ALKBH8: variants seen among roughly 807,000 people sequenced by gnomAD.
ALKBH8 encodes alkB homolog 8, tRNA methyltransferase.
Under a neutral mutation model 59.8 loss-of-function variants are expected in ALKBH8, and 36 were observed. The ratio of observed to expected loss-of-function variants is 0.60; its 90% CI spans 0.46 to 0.79. The LOEUF is 0.79. ALKBH8 is among the 30% of genes least tolerant of loss of function. The probability of loss-of-function intolerance (pLI) is 0.00; values close to 1 mark genes in which losing one functional copy is unlikely to be tolerated. For missense variants in ALKBH8, 768 were observed against 801.0 expected (o/e 0.96, Z 0.50); for synonymous variants, 276 against 273.6 (o/e 1.01, Z -0.09).
chr11:107,509,662 G>A (rs1381023766), intron 11 of ALKBH8, among the ~76,000 whole-genome samples: 1 of 151,956 alleles, frequency 6.6e-6, no homozygotes, highest in South Asian at 2.1e-4. Context: ...CCATTTTGAG[G>A]TTTTTCTTTG....
At chr11:107,546,889 A>ATAAAATATTTTAT (rs1864281024) in intron 7 of ALKBH8, among the ~76,000 whole-genome samples, 1 of 152,224 alleles carries the variant, frequency 6.6e-6, no homozygotes, top group Admixed American at 6.5e-5. Flanking sequence ...TCCAGTAGTC[A>ATAAAATATTTTAT]TACAAATAAA....
intron 3 of ALKBH8, 46 bp from the exon 4 acceptor site, chr11:107,554,024 C>T (rs777554165): frequency 6.2e-7 from 1 of 1,602,996 alleles, no homozygotes; most frequent in South Asian, 1.1e-5. Flanking sequence ...ACTTAAAGTT[C>T]CTATATACAA....
intron 6 of ALKBH8, 30 bp downstream of exon 6, chr11:107,551,778 G>A: frequency 7.1e-7 from 1 of 1,403,166 alleles, no homozygotes. Flanking sequence ...CAAAATATGT[G>A]ACTAAAATTT....
At chr11:107,508,816 C>T (rs905761227) in intron 11 of ALKBH8, among the ~76,000 whole-genome samples, 1 of 152,188 alleles carries the variant, frequency 6.6e-6, no homozygotes, top group African/African-American at 2.4e-5. Flanking sequence ...CCTCAAGGTT[C>T]ATCCATGTTG....
In ALKBH8 at chr11:107,504,422, A is replaced by C. The variant is rs1456268082; in HGVS notation, c.*236T>G. The C allele has an allele frequency of 7.8e-6, 5 of 639,990 alleles. No homozygotes were observed. The highest frequency in any genetic ancestry group is 2.7e-6 in the Non-Finnish European group (1 of 364,642). The allele number at this position is 639,990 out of a possible 1,614,324, so 39.6% of individuals were successfully genotyped here. A position where few individuals can be genotyped will look rare whatever the true frequency, so the allele number is the denominator to read the frequency against. ...AAACACTGCACAAACTGCTTCAATC[A>C]CTTTTAGAAACCACCTCTCCTAGGG... On this transcript the variant is annotated 3_prime_UTR_variant, in exon 12 of 12. Transcript: ENST00000428149.
intron 7 of ALKBH8, among the ~76,000 whole-genome samples, chr11:107,537,343 G>A (rs1171552744): frequency 6.6e-6 from 1 of 152,140 alleles, no homozygotes; most frequent in Non-Finnish European, 1.5e-5. Flanking sequence ...AGAACATGTG[G>A]TACATATACA....
At chr11:107,526,757 G>C (rs1241210917) in intron 8 of ALKBH8, among the ~76,000 whole-genome samples, 1 of 151,874 alleles carries the variant, frequency 6.6e-6, no homozygotes, top group East Asian at 1.9e-4. Flanking sequence ...TTTGTGAATG[G>C]TATGAGATAG....
chr11:107,539,513 C>T (rs1863952891), intron 7 of ALKBH8, among the ~76,000 whole-genome samples: 1 of 151,934 alleles, frequency 6.6e-6, no homozygotes, highest in Non-Finnish European at 1.5e-5. Context: ...GCAAGAGAAT[C>T]ACTTGAACCC....
intron 7 of ALKBH8, among the ~76,000 whole-genome samples, chr11:107,538,475 C>G (rs1333007131): frequency 6.6e-6 from 1 of 152,112 alleles, no homozygotes; most frequent in Non-Finnish European, 1.5e-5. Context: ...TCCACAGGAG[C>G]TTTTTCCAAT....
intron 7 of ALKBH8, among the ~76,000 whole-genome samples, chr11:107,537,410 C>T (rs775668185): frequency 7.2e-5 from 11 of 152,170 alleles, no homozygotes; most frequent in Non-Finnish European, 8.8e-5. Context: ...TGCAGGGACA[C>T]AGATGGAGTT....
At chr11:107,565,439 A>G in intron 1 of ALKBH8, 162 bp downstream of exon 1, 1 of 902,142 alleles carries the variant, frequency 1.1e-6, no homozygotes. Context: ...CAACGCAGAC[A>G]CCCTACTGCC....
chr11:107,553,536 G>A (rs1864581046), intron 4 of ALKBH8, among the ~76,000 whole-genome samples: 1 of 152,076 alleles, frequency 6.6e-6, no homozygotes, highest in Admixed American at 6.5e-5. Context: ...TAATATTGTG[G>A]TACTGAACTG....
chr11:107,514,863 A>C (rs1862794984), intron 10 of ALKBH8, among the ~76,000 whole-genome samples: 1 of 152,142 alleles, frequency 6.6e-6, no homozygotes, highest in Non-Finnish European at 1.5e-5. Context: ...ATAGTTACTC[A>C]AAAGAGGAAA....
chr11:107,555,877 A>T (rs188368385), intron 3 of ALKBH8, among the ~76,000 whole-genome samples: 1 of 152,374 alleles, frequency 6.6e-6, no homozygotes, highest in African/African-American at 2.4e-5. Context: ...TTATTTAATT[A>T]AATTATTCAG....
Position 107,556,754 on chromosome 11 carries a change from G to A in ALKBH8, c.367+12C>T. On this transcript the variant is annotated intron_variant, in intron 3 of 11. Transcript: ENST00000428149. ...AAGAATCATTTTTTAAAAGATAATTGTATGATAATACCTTTTTCCACAAAA... is the reference window on the plus strand; with the variant it reads ...AAGAATCATTTTTTAAAAGATAATTATATGATAATACCTTTTTCCACAAAA... The A allele has an allele frequency of 1.5e-6, 2 of 1,312,898 alleles. No homozygotes were observed. Among genetic ancestry groups the A allele is most frequent in the Non-Finnish European group, 9.8e-7 (1 of 1,015,282 alleles). The allele number at this position is 1,312,898 out of a possible 1,614,324, so 81.3% of individuals were successfully genotyped here.
chr11:107,523,277 A>G (rs995953145), intron 9 of ALKBH8, among the ~76,000 whole-genome samples: 2 of 152,172 alleles, frequency 1.3e-5, no homozygotes, highest in African/African-American at 4.8e-5. Context: ...CTATTCAGCC[A>G]CAAACAGAAG....
At chr11:107,526,018 T>C (rs1284708894) in intron 8 of ALKBH8, among the ~76,000 whole-genome samples, 2 of 152,010 alleles carry the variant, frequency 1.3e-5, no homozygotes, top group Non-Finnish European at 1.5e-5. Flanking sequence ...ACATGGTAAT[T>C]ACAAGTCCAC....
At chr11:107,508,947 T>C (rs1862508414) in intron 11 of ALKBH8, among the ~76,000 whole-genome samples, 1 of 152,216 alleles carries the variant, frequency 6.6e-6, no homozygotes, top group South Asian at 2.1e-4. Context: ...TTTTGGCTGT[T>C]GTGAATAATG....
chr11:107,556,881 A>G lies in ALKBH8; in HGVS notation c.252T>C (p.Phe84=), dbSNP rs1864738766. 6.2e-7 allele frequency: 1 copy of G among 1,610,384 alleles called. No homozygotes were observed. Among genetic ancestry groups the G allele is most frequent in the East Asian group, 2.2e-5 (1 of 44,698 alleles). The change falls in exon 3 of 12, where the codon TTT becomes TTC. Residue 84 remains phenylalanine, a synonymous_variant. Coordinates refer to ENST00000428149, the MANE Select transcript of ALKBH8 (RefSeq NM_138775.3). ...ATTCTTCTGTAGTTCTGTATCTTGC[A>G]AATGAGTACGGCTTGTTAGGTGGCA... is the stretch of plus-strand genomic sequence containing the variant. The part of the protein sequence containing the change: ...LLMPPNKPYS[F]ARYRTTEESK...
Sources: allele counts gnomAD v4.1 joint callset (sites outside exome capture counted in the v4.1 genomes callset), GRCh38; gene constraint gnomAD v4.1.1; transcripts MANE v1.5; gene names NCBI Gene and HGNC (gene_info 2026-07-23, HGNC 2026-07-21).